Variants in FAT3 observed in about 807,000 individuals in gnomAD.
FAT3 encodes FAT atypical cadherin 3.
Under a neutral mutation model 310.2 loss-of-function variants are expected in FAT3, and 95 were observed. The ratio of observed to expected loss-of-function variants is 0.31; its 90% confidence interval spans 0.26 to 0.36. The LOEUF (loss-of-function observed/expected upper bound fraction) is 0.36, where lower values mean the gene tolerates loss of function less well. FAT3 is among the 10% of genes least tolerant of loss of function. The pLI is 1.00. For missense variants in FAT3, 5,408 were observed against 5,715.6 expected, an observed-to-expected ratio of 0.95 and a Z score of 1.74; for synonymous variants, 2,314 against 2,192.9, an observed-to-expected ratio of 1.06 and a Z score of -1.54.
chr11:92,856,492 C>G (rs573655391), intron 19 of FAT3, among the ~76,000 whole-genome samples: 1 of 152,258 alleles, frequency 6.6e-6, no homozygotes, highest in African/African-American at 2.4e-5. Flanking sequence ...CTGAATTCTG[C>G]CTTAATCAGT....
At chr11:92,516,520 A>G (rs1399486585) in intron 2 of FAT3, among the ~76,000 whole-genome samples, 1 of 152,176 alleles carries the variant, frequency 6.6e-6, no homozygotes, top group Non-Finnish European at 1.5e-5. Context: ...TGACAAGCCC[A>G]TAGCCAATAT....
chr11:92,484,406 G>A (rs1295193589), intron 2 of FAT3, among the ~76,000 whole-genome samples: 2 of 152,142 alleles, frequency 1.3e-5, no homozygotes, highest in Non-Finnish European at 2.9e-5. Context: ...ACCTCTGGGA[G>A]ATACTGCTTA....
At chr11:92,314,736 T>A (rs1219613468) in intron 1 of FAT3, among the ~76,000 whole-genome samples, 1 of 152,028 alleles carries the variant, frequency 6.6e-6, no homozygotes, top group African/African-American at 2.4e-5. Flanking sequence ...GACCCTGGAG[T>A]TGTCCTAAGG....
Position 92,790,207 on chromosome 11 carries a change from C to G in FAT3, c.4600C>G (p.Leu1534Val), listed in dbSNP as rs1947004469. Residue 1534 changes from leucine (L) to valine (V), a missense_variant, in exon 8 of 28, where the codon CTC (leucine) becomes GTC (valine). Physicochemically the swap from Leu to Val is conservative, Grantham distance 32. Transcript: ENST00000525166. ...LDHEAQDKHI[L>V]NIMVRDQEFP... ...CCATGAGGCCCAGGACAAGCACATT[C>G]TCAACATAATGGTAGGACCAAAATC... 1 of 1,613,404 alleles carries G rather than the reference C, an allele frequency of 6.2e-7. No homozygotes were observed. Among genetic ancestry groups the G allele is most frequent in the Non-Finnish European group, 8.5e-7 (1 of 1,179,602 alleles).
In FAT3 at chr11:92,799,882, C is replaced by A; in HGVS notation, c.6869C>A (p.Pro2290His). Residue 2290 changes from proline (P) to histidine (H), a missense_variant, in exon 10 of 28, where the codon CCT becomes CAT. Coordinates refer to ENST00000525166, the MANE Select transcript of FAT3 (RefSeq NM_001367949.2). ...GACAACCCCCCTATTTTCGATCAGC[C>A]TACATACAATACAACACTATCAGAA... ...VNDNPPIFDQ[P>H]TYNTTLSEAS... The A allele has an allele frequency of 1.1e-5, 17 of 1,613,042 alleles. No homozygotes were observed. Among genetic ancestry groups the A allele is most frequent in the Non-Finnish European group, 1.4e-5 (17 of 1,179,540 alleles).
chr11:92,326,225 C>T (rs561125226), intron 1 of FAT3, among the ~76,000 whole-genome samples: 1 of 152,254 alleles, frequency 6.6e-6, no homozygotes, highest in East Asian at 1.9e-4. Context: ...ATAGAGTTGT[C>T]GTAAGTGAAA....
chr11:92,299,656 T>G (rs906309867), intron 1 of FAT3, among the ~76,000 whole-genome samples: 2 of 152,088 alleles, frequency 1.3e-5, no homozygotes, highest in African/African-American at 4.8e-5. Flanking sequence ...AAACCTTTAG[T>G]AGAAGTGATT....
intron 22 of FAT3, among the ~76,000 whole-genome samples, chr11:92,876,775 A>G (rs1342603453): frequency 2.6e-5 from 4 of 152,244 alleles, no homozygotes; most frequent in African/African-American, 9.6e-5. Flanking sequence ...GTTATCTGTA[A>G]TGGGTATTCA....
intron 3 of FAT3, among the ~76,000 whole-genome samples, chr11:92,581,874 A>T (rs1433440278): frequency 6.6e-6 from 1 of 152,038 alleles, no homozygotes; most frequent in Non-Finnish European, 1.5e-5. Flanking sequence ...GGGTTCTTAG[A>T]TCTTGCACAA....
chr11:92,495,666 A>G (rs528532555), intron 2 of FAT3, among the ~76,000 whole-genome samples: 36 of 152,172 alleles, frequency 2.4e-4, no homozygotes, highest in Non-Finnish European at 4.7e-4. Flanking sequence ...ATAGCTGGGT[A>G]TAATCTCCCT....
At chr11:92,574,776 G>A (rs1296635976) in intron 3 of FAT3, among the ~76,000 whole-genome samples, 1 of 152,138 alleles carries the variant, frequency 6.6e-6, no homozygotes, top group African/African-American at 2.4e-5. Context: ...AATATTTGTG[G>A]AGCATTCCTG....
chr11:92,562,040 A>G (rs1487544161), intron 3 of FAT3, among the ~76,000 whole-genome samples: 4 of 152,102 alleles, frequency 2.6e-5, no homozygotes, highest in Non-Finnish European at 5.9e-5. Flanking sequence ...GCCTAGGGTC[A>G]TTGTTACTTT....
At chr11:92,298,771 G>A (rs1246274563) in intron 1 of FAT3, among the ~76,000 whole-genome samples, 2 of 152,064 alleles carry the variant, frequency 1.3e-5, no homozygotes, top group African/African-American at 2.4e-5. Flanking sequence ...ACAAAGTTGA[G>A]TATTTTGAAC....
intron 4 of FAT3, among the ~76,000 whole-genome samples, chr11:92,726,678 C>T (rs534623659): frequency 6.6e-6 from 1 of 151,730 alleles, no homozygotes; most frequent in South Asian, 2.1e-4. Flanking sequence ...AATGGTTAAA[C>T]TAAAAAATAA....
chr11:92,299,338 C>G (rs1291949336), intron 1 of FAT3, among the ~76,000 whole-genome samples: 1 of 152,010 alleles, frequency 6.6e-6, no homozygotes, highest in African/African-American at 2.4e-5. Flanking sequence ...CTGAGCTCTT[C>G]CAAGAGCCAA....
At chr11:92,598,785 C>A (rs1383966049) in intron 3 of FAT3, among the ~76,000 whole-genome samples, 1 of 152,112 alleles carries the variant, frequency 6.6e-6, no homozygotes, top group Non-Finnish European at 1.5e-5. Flanking sequence ...TATCATTGGT[C>A]AGGTAGAAGC....
chr11:92,570,954 G>A (rs541924082), intron 3 of FAT3, among the ~76,000 whole-genome samples: 6 of 152,228 alleles, frequency 3.9e-5, no homozygotes, highest in African/African-American at 1.4e-4. Flanking sequence ...GAATTGCTGT[G>A]GGGATGAAAT....
chr11:92,234,643 C>T (rs1392315707), intron 1 of FAT3, among the ~76,000 whole-genome samples: 1 of 152,064 alleles, frequency 6.6e-6, no homozygotes, highest in Non-Finnish European at 1.5e-5. Flanking sequence ...GTGGCTCATG[C>T]CTGTAATCCC....
chr11:92,568,187 T>G (rs1955539615), intron 3 of FAT3, among the ~76,000 whole-genome samples: 1 of 152,110 alleles, frequency 6.6e-6, no homozygotes, highest in South Asian at 2.1e-4. Flanking sequence ...ATCAACCTGT[T>G]AGTAGAGAAT....
Sources: allele counts gnomAD v4.1 joint callset (sites outside exome capture counted in the v4.1 genomes callset), GRCh38; gene constraint gnomAD v4.1.1; transcripts MANE v1.5; gene names NCBI Gene and HGNC (gene_info 2026-07-23, HGNC 2026-07-21).